The following GRM5 variants were observed in gnomAD, a reference collection of about 807,000 sequenced individuals.
GRM5 encodes glutamate metabotropic receptor 5, also known as metabotropic glutamate receptor 5.
A neutral mutation model predicts 83.1 loss-of-function variants in GRM5; 19 were observed. The ratio of observed to expected loss-of-function variants is 0.23; its 90% CI spans 0.16 to 0.34. The LOEUF is 0.34. Ranked by LOEUF, GRM5 falls within the 10% of genes least tolerant of loss-of-function variation. The probability of loss-of-function intolerance (pLI) is 1.00; values close to 1 mark genes in which losing one functional copy is unlikely to be tolerated. For synonymous variants in GRM5, 675 were observed against 633.6 expected (o/e 1.07, Z -0.98); for missense variants, 1,160 against 1,588.3 (o/e 0.73, Z 4.58).
At chr11:88,630,196 T>C (rs7479660) in intron 4 of GRM5, among the ~76,000 whole-genome samples, 151,370 of 152,282 alleles carry the variant, frequency 0.99, 75,242 homozygotes, top group East Asian at 1. Flanking sequence ...TTTCTTCCAG[T>C]AATTATCACC....
At chr11:88,892,404 T>G (rs1458748781) in intron 2 of GRM5, among the ~76,000 whole-genome samples, 5 of 151,942 alleles carry the variant, frequency 3.3e-5, no homozygotes, top group Non-Finnish European at 5.9e-5. Flanking sequence ...CTTGGGACCT[T>G]AAGTGTAAAG....
At chr11:88,782,402 A>G (rs1036031829) in intron 3 of GRM5, among the ~76,000 whole-genome samples, 3 of 152,082 alleles carry the variant, frequency 2.0e-5, no homozygotes, top group African/African-American at 7.2e-5. Context: ...TGTGCAGGGA[A>G]ACTCCCATTT....
intron 8 of GRM5, among the ~76,000 whole-genome samples, chr11:88,549,367 A>C (rs76436528): frequency 0.029 from 4,399 of 151,590 alleles, 106 homozygotes; most frequent in Admixed American, 0.073. Context: ...TGGGAGGATC[A>C]CTTTAGCCCA....
chr11:89,040,625 C>A (rs970645834), intron 2 of GRM5, among the ~76,000 whole-genome samples: 1 of 152,020 alleles, frequency 6.6e-6, no homozygotes, highest in Non-Finnish European at 1.5e-5. Context: ...CGTTTGAGAC[C>A]AAGAGGTTGA....
At chr11:88,959,158 G>T (rs1938710481) in intron 2 of GRM5, among the ~76,000 whole-genome samples, 1 of 152,034 alleles carries the variant, frequency 6.6e-6, no homozygotes, top group African/African-American at 2.4e-5. Flanking sequence ...GGTGTCTTTG[G>T]ATCACATATT....
chr11:88,850,062 G>A lies in GRM5; in HGVS notation c.755C>T (p.Ala252Val). The A allele has an allele frequency of 6.4e-7, 1 of 1,565,180 alleles. No individual in the cohort carries two copies. The highest frequency in any genetic ancestry group is 8.8e-7 in the Non-Finnish European group (1 of 1,135,490). Residue 252 changes from alanine (A) to valine (V), a missense_variant, in exon 3 of 10, where the codon GCA becomes GTA. This residue lies in a region of GRM5 where 84 missense variants were observed against 231.0 expected (regional missense o/e 0.36). Transcript: ENST00000305447. Reference protein sequence around the residue: ...IAHSYKIYSNAGEQSFDKLLK... With the variant: ...IAHSYKIYSNVGEQSFDKLLK... The stretch of plus-strand genomic sequence containing the variant: ...CAGCTTATCAAAGCTCTGCTCCCCT[G>A]CATTACTGTAGATTTTGTAAGAGTG...
intron 2 of GRM5, among the ~76,000 whole-genome samples, chr11:88,875,082 G>GT (rs112725534): frequency 0.15 from 21,662 of 147,826 alleles, 2,741 homozygotes; most frequent in African/African-American, 0.33. Flanking sequence ...TGAATTGACT[G>GT]TTTTTTTTTT....
At chr11:88,658,412 C>T (rs1347618500) in intron 3 of GRM5, among the ~76,000 whole-genome samples, 2 of 152,060 alleles carry the variant, frequency 1.3e-5, no homozygotes, top group African/African-American at 4.8e-5. Flanking sequence ...CATGGTTTTT[C>T]CCACGGAGAG....
intron 2 of GRM5, among the ~76,000 whole-genome samples, chr11:88,993,230 C>A (rs1197901518): frequency 3.6e-5 from 5 of 138,612 alleles, no homozygotes; most frequent in Non-Finnish European, 7.6e-5. Flanking sequence ...TGTGCCACTG[C>A]ACTCCAGCCT....
chr11:88,918,983 A>C (rs542662766), intron 2 of GRM5, among the ~76,000 whole-genome samples: 13 of 151,370 alleles, frequency 8.6e-5, no homozygotes, highest in African/African-American at 3.1e-4. Context: ...GGACAGAAGG[A>C]AGAGAAGACT....
chr11:89,017,195 T>C (rs1428773709), intron 2 of GRM5, among the ~76,000 whole-genome samples: 1 of 152,174 alleles, frequency 6.6e-6, no homozygotes, highest in Non-Finnish European at 1.5e-5. Context: ...TGTTCTGGTA[T>C]GACCCTCAGA....
chr11:88,649,099 ATATATAT>A (rs563375158), intron 4 of GRM5, among the ~76,000 whole-genome samples: 60 of 144,132 alleles, frequency 4.2e-4, no homozygotes, highest in African/African-American at 1.4e-3. Context: ...AAAATATATA[ATATATAT>A]TAAATATATA....
intron 9 of GRM5, among the ~76,000 whole-genome samples, chr11:88,510,158 T>G (rs138518281): frequency 2.1e-4 from 32 of 152,390 alleles, no homozygotes; most frequent in Non-Finnish European, 3.8e-4. Flanking sequence ...AATGAGAGCT[T>G]CTTTACTTCA....
chr11:88,525,242 G>A, intron 9 of GRM5, 67 bp downstream of exon 9: 2 of 894,162 alleles, frequency 2.2e-6, no homozygotes, highest in Non-Finnish European at 3.7e-6. Flanking sequence ...AGACCAGGGA[G>A]CCACATGTTC....
At chr11:88,882,530 C>T (rs1217364630) in intron 2 of GRM5, among the ~76,000 whole-genome samples, 11 of 148,382 alleles carry the variant, frequency 7.4e-5, no homozygotes, top group African/African-American at 2.2e-4. Context: ...CACTGCAGTC[C>T]GGTCTGGGCA....
chr11:88,784,420 C>T (rs914778471), intron 3 of GRM5, among the ~76,000 whole-genome samples: 1 of 152,076 alleles, frequency 6.6e-6, no homozygotes, highest in Non-Finnish European at 1.5e-5. Flanking sequence ...TTCTGTGCCA[C>T]ATATTACACT....
intron 7 of GRM5, among the ~76,000 whole-genome samples, chr11:88,574,081 T>C (rs2135182648): frequency 6.6e-6 from 1 of 152,266 alleles, no homozygotes; most frequent in South Asian, 2.1e-4. Flanking sequence ...GGGAGTTTGA[T>C]TGACTGTATC....
chr11:89,031,014 T>A (rs550215692), intron 2 of GRM5, among the ~76,000 whole-genome samples: 74 of 152,104 alleles, frequency 4.9e-4, no homozygotes, highest in African/African-American at 1.8e-3. Flanking sequence ...TGAAGAAAGA[T>A]TAAAGGATGA....
At chr11:88,657,760 T>C (rs937504498) in intron 3 of GRM5, among the ~76,000 whole-genome samples, 1 of 152,160 alleles carries the variant, frequency 6.6e-6, no homozygotes, top group Non-Finnish European at 1.5e-5. Flanking sequence ...CCTAGGTCTC[T>C]ATAACCTTCC....
Sources: gnomAD v4.1 joint callset for allele counts (sites outside exome capture counted in the v4.1 genomes callset) on GRCh38, gnomAD v4.1.1 for gene constraint, gnomAD v4.1.1 regional missense constraint, MANE v1.5 for transcripts, NCBI Gene and HGNC (gene_info 2026-07-23, HGNC 2026-07-21) for gene names.